TMEM120B: variants seen among roughly 807,000 people sequenced by gnomAD.
The protein encoded by TMEM120B is transmembrane protein 120B.
TMEM120B carries 31 observed loss-of-function variants against 55.5 expected under a neutral mutation model. That is an observed-to-expected ratio of 0.56 (90% confidence interval 0.42 to 0.75). TMEM120B has a LOEUF of 0.75. TMEM120B is among the 30% of genes least tolerant of loss of function. The pLI, the probability that TMEM120B is intolerant of heterozygous loss-of-function variation, is 0.00. For missense variants in TMEM120B, 399 were observed against 425.5 expected, an observed-to-expected ratio of 0.94 and a Z score of 0.55; for synonymous variants, 203 against 176.3, an observed-to-expected ratio of 1.15 and a Z score of -1.20.
intron 2 of TMEM120B, among the ~76,000 whole-genome samples, chr12:121,744,976 A>G (rs778385323): frequency 5.1e-4 from 77 of 152,170 alleles, no homozygotes; most frequent in Non-Finnish European, 9.4e-4. Context: ...TCAGATTCTC[A>G]GTGATTGCTT....
intron 1 of TMEM120B, among the ~76,000 whole-genome samples, chr12:121,741,240 A>G (rs1384851012): frequency 6.6e-6 from 1 of 152,204 alleles, no homozygotes. Flanking sequence ...CAAATACAGC[A>G]TGATGGAACA....
chr12:121,727,873 C>CAA (rs10710244), intron 1 of TMEM120B, among the ~76,000 whole-genome samples: 36,506 of 80,144 alleles, frequency 0.46, 8,728 homozygotes, highest in Middle Eastern at 0.64. Flanking sequence ...CACTCCATCT[C>CAA]AAAAAAAAAA....
chr12:121,731,965 T>C (rs1012005208), intron 1 of TMEM120B, among the ~76,000 whole-genome samples: 9 of 152,140 alleles, frequency 5.9e-5, no homozygotes, highest in African/African-American at 1.9e-4. Context: ...GGTGAAATGC[T>C]GTCTCTATTA....
At chr12:121,771,571 T>A (rs1052211917) in intron 8 of TMEM120B, 22 bp downstream of exon 8, 1 of 1,611,596 alleles carries the variant, frequency 6.2e-7, no homozygotes, top group Non-Finnish European at 8.5e-7. Context: ...TTGCCTGGAT[T>A]TGGGGGAAGG....
intron 1 of TMEM120B, among the ~76,000 whole-genome samples, chr12:121,720,603 C>G (rs530700551): frequency 6.6e-6 from 1 of 151,858 alleles, no homozygotes. Flanking sequence ...TTCAGCTACT[C>G]GGGTGGTTGA....
chr12:121,756,826 C>T (rs7294817), intron 5 of TMEM120B, among the ~76,000 whole-genome samples: 12,997 of 152,216 alleles, frequency 0.085, 992 homozygotes, highest in African/African-American at 0.2. Context: ...CCTGGAATCT[C>T]AGGGCCTCAG....
chr12:121,726,582 AAAAAAAATAAAAT>A (rs1191772837), intron 1 of TMEM120B, among the ~76,000 whole-genome samples: 1 of 149,122 alleles, frequency 6.7e-6, no homozygotes, highest in Non-Finnish European at 1.5e-5. Context: ...CTGTCTCAAA[AAAAAAAATAAAAT>A]AAAATAATAA....
chr12:121,770,583 G>A (rs551002251), intron 6 of TMEM120B, among the ~76,000 whole-genome samples: 7 of 151,798 alleles, frequency 4.6e-5, no homozygotes, highest in Admixed American at 6.6e-5. Context: ...TGCCTGGAGC[G>A]CCCGCGTGCT....
At chr12:121,721,815 T>TTTTTC (rs1365366347) in intron 1 of TMEM120B, among the ~76,000 whole-genome samples, 8 of 97,370 alleles carry the variant, frequency 8.2e-5, no homozygotes, top group South Asian at 2.7e-4. Flanking sequence ...TTTTTTTTTT[T>TTTTTC]TTTTTTTTTT....
chr12:121,772,340 GGGTGGT>G (rs1874092673), intron 8 of TMEM120B, among the ~76,000 whole-genome samples: 2 of 151,938 alleles, frequency 1.3e-5, no homozygotes, highest in African/African-American at 2.4e-5. Flanking sequence ...ATGTTGGTCA[GGGTGGT>G]CTGGAACTCC....
rs1454614873 is a variant in TMEM120B, at chr12:121,779,417, G to C, written c.*3695G>C. On this transcript the variant is annotated 3_prime_UTR_variant, in exon 12 of 12. Transcript: ENST00000449592. ...CAGACACCATGAGCTGGAGGGTCGGGATGGGGCAGCCTCCCTGGTGCAATC... is the reference window on the plus strand; with the variant it reads ...CAGACACCATGAGCTGGAGGGTCGGCATGGGGCAGCCTCCCTGGTGCAATC... 2 of 1,485,876 alleles carry C rather than the reference G, an allele frequency of 1.3e-6. No homozygotes were observed. Among genetic ancestry groups the C allele is most frequent in the Non-Finnish European group, 1.8e-6 (2 of 1,090,928 alleles). The allele number at this position is 1,485,876 out of a possible 1,614,324, so 92.0% of individuals were successfully genotyped here.
intron 1 of TMEM120B, among the ~76,000 whole-genome samples, chr12:121,742,396 T>C (rs1194819014): frequency 6.6e-6 from 1 of 152,054 alleles, no homozygotes; most frequent in African/African-American, 2.4e-5. Flanking sequence ...GCTCTCCCTC[T>C]AATAAATCCA....
intron 5 of TMEM120B, chr12:121,758,792 C>T: frequency 1.0e-6 from 1 of 978,808 alleles, no homozygotes; most frequent in Non-Finnish European, 1.2e-6. Flanking sequence ...GGAGGACGGC[C>T]TAGCCCCGTG....
intron 1 of TMEM120B, among the ~76,000 whole-genome samples, chr12:121,736,166 T>TTTA (rs67103523): frequency 1.7e-5 from 1 of 58,558 alleles, no homozygotes; most frequent in East Asian, 5.8e-4. Flanking sequence ...TGTTGCACAT[T>TTTA]TTATTTATTT....
intron 1 of TMEM120B, among the ~76,000 whole-genome samples, chr12:121,739,771 C>T (rs921546694): frequency 6.0e-5 from 9 of 150,104 alleles, no homozygotes; most frequent in Admixed American, 2.7e-4. Context: ...CCAGCCTGGC[C>T]GGAAACTTTT....
At position 121,779,948 on chromosome 12, in the gene TMEM120B, C is replaced by G. The variant is rs539282630; in HGVS notation, c.*4226C>G. 7.4e-6 allele frequency: 2 copies of G among 268,810 alleles called. No individual in the cohort carries two copies. Among genetic ancestry groups the G allele is most frequent in the Admixed American group, 7.7e-5 (1 of 12,940 alleles). 16.7% of individuals were successfully genotyped at this position (268,810 alleles called of 1,614,324 possible). On this transcript the variant is annotated 3_prime_UTR_variant, in exon 12 of 12. Coordinates refer to ENST00000449592, the MANE Select transcript of TMEM120B (RefSeq NM_001080825.2). The stretch of plus-strand genomic sequence containing the variant: ...TCCTGAGACCCGGGGTTGGTTCCCC[C>G]AGGTGTCTCCCAGGCCTGTGAGAAG...
chr12:121,765,898 G>A (rs1259557107), intron 6 of TMEM120B, among the ~76,000 whole-genome samples: 2 of 152,144 alleles, frequency 1.3e-5, no homozygotes, highest in East Asian at 3.9e-4. Flanking sequence ...TTGCAGGAGA[G>A]CCTGTGTGGA....
At chr12:121,749,914 A>C (rs905703352) in intron 3 of TMEM120B, among the ~76,000 whole-genome samples, 26 of 151,904 alleles carry the variant, frequency 1.7e-4, no homozygotes, top group East Asian at 1.5e-3. Context: ...TCAAAAAAAA[A>C]AAAAAACAAA....
At position 121,775,331 on chromosome 12, in the gene TMEM120B, G is replaced by A. The variant is rs1393189294; in HGVS notation, c.906+201G>A. On this transcript the variant is annotated intron_variant, in intron 11 of 11. Transcript: ENST00000449592. The surrounding 1 kb of genome is among the most constrained non-coding windows in gnomAD (Gnocchi z 4.3). ...TGGGCTGGCAGGTGTGGGGTGTTGTGGGGGGCCTGCTTGGCGGGAGGCTTC... is the reference window on the plus strand; with the variant it reads ...TGGGCTGGCAGGTGTGGGGTGTTGTAGGGGGCCTGCTTGGCGGGAGGCTTC... 1.3e-6 allele frequency: 1 copy of A among 794,082 alleles called. No individual in the cohort carries two copies. Among genetic ancestry groups the A allele is most frequent in the African/African-American group, 1.9e-5 (1 of 53,356 alleles). 49.2% of individuals were successfully genotyped at this position (794,082 alleles called of 1,614,324 possible).
Sources: gnomAD v4.1 joint callset for allele counts (sites outside exome capture counted in the v4.1 genomes callset) on GRCh38, gnomAD v4.1.1 for gene constraint, Gnocchi (gnomAD v3.1) non-coding constraint, MANE v1.5 for transcripts, NCBI Gene and HGNC (gene_info 2026-07-23, HGNC 2026-07-21) for gene names.